XKR4: variants seen among roughly 807,000 people sequenced by gnomAD.
XKR4 encodes XK-related protein 4.
A neutral mutation model predicts 53.9 loss-of-function variants in XKR4; 12 were observed. That is an observed-to-expected ratio of 0.22 (90% CI 0.14 to 0.36). The LOEUF (loss-of-function observed/expected upper bound fraction) is 0.36, where lower values mean the gene tolerates loss of function less well. Among genes scored for constraint, XKR4 ranks in the 10% least tolerant of loss-of-function variants. The pLI is 1.00. For missense variants in XKR4, 799 were observed against 859.5 expected, an observed-to-expected ratio of 0.93 and a Z score of 0.88; for synonymous variants, 354 against 362.4, an observed-to-expected ratio of 0.98 and a Z score of 0.26.
intron 1 of XKR4, among the ~76,000 whole-genome samples, chr8:55,345,276 A>G (rs978599553): frequency 5.1e-4 from 77 of 152,196 alleles, no homozygotes; most frequent in African/African-American, 1.8e-3. Flanking sequence ...CCTGGGTGAC[A>G]GAGTGAGACT....
chr8:55,225,172 G>A (rs537310821), intron 1 of XKR4, among the ~76,000 whole-genome samples: 48 of 152,198 alleles, frequency 3.2e-4, no homozygotes, highest in African/African-American at 1.1e-3. Context: ...GCATAATCCC[G>A]ATTTTACAAA....
Position 55,539,351 on chromosome 8 carries a change from T to TA in XKR4, c.*15129dup, listed in dbSNP as rs1210521118. On this transcript the variant is annotated 3_prime_UTR_variant, in exon 3 of 3. Coordinates refer to ENST00000327381, the MANE Select transcript of XKR4 (RefSeq NM_052898.2). ...ATTGTGAAAAAAATGTGCACACTCTTAAAAACACAAAATGGGTTTCAGAAA... is the reference window on the plus strand; with the variant it reads ...ATTGTGAAAAAAATGTGCACACTCTTAAAAAACACAAAATGGGTTTCAGAAA... 3.9e-5 allele frequency: 6 copies of TA among 152,310 alleles called. No homozygotes were observed. Among genetic ancestry groups the TA allele is most frequent in the African/African-American group, 1.4e-4 (6 of 41,564 alleles). The allele number at this position is 152,310 out of a possible 1,614,324, so 9.4% of individuals were successfully genotyped here.
At chr8:55,404,421 C>T (rs1804656244) in intron 2 of XKR4, among the ~76,000 whole-genome samples, 1 of 152,188 alleles carries the variant, frequency 6.6e-6, no homozygotes, top group Non-Finnish European at 1.5e-5. Flanking sequence ...CCATGATCAG[C>T]AGCAACCTTG....
At chr8:55,265,739 G>T (rs573587086) in intron 1 of XKR4, among the ~76,000 whole-genome samples, 53 of 152,118 alleles carry the variant, frequency 3.5e-4, no homozygotes, top group South Asian at 1.9e-3. Context: ...CAGCATTTTG[G>T]GGGGGTCAAG....
At chr8:55,320,428 A>G (rs1017801755) in intron 1 of XKR4, among the ~76,000 whole-genome samples, 1 of 152,194 alleles carries the variant, frequency 6.6e-6, no homozygotes, top group African/African-American at 2.4e-5. Context: ...CCAACAAAAG[A>G]TACCCAATTG....
At chr8:55,455,482 AG>A (rs1392950157) in intron 2 of XKR4, among the ~76,000 whole-genome samples, 1 of 152,156 alleles carries the variant, frequency 6.6e-6, no homozygotes, top group East Asian at 1.9e-4. Flanking sequence ...TTGGTGCTAG[AG>A]GGGGCTGGCT....
chr8:55,191,076 A>G (rs1430536258), intron 1 of XKR4, among the ~76,000 whole-genome samples: 1 of 152,150 alleles, frequency 6.6e-6, no homozygotes, highest in Non-Finnish European at 1.5e-5. Context: ...CTTAGTCTGT[A>G]GCTCTGTGGA....
intron 2 of XKR4, among the ~76,000 whole-genome samples, chr8:55,495,865 G>A (rs1585605842): frequency 6.6e-6 from 1 of 152,226 alleles, no homozygotes; most frequent in African/African-American, 2.4e-5. Context: ...CACTCCAGAT[G>A]GCCTGCAGCT....
chr8:55,140,339 G>A (rs16921242), intron 1 of XKR4: 11,960 of 216,088 alleles, frequency 0.055, 543 homozygotes, highest in African/African-American at 0.14. Flanking sequence ...GGGTCCATTC[G>A]TTTGTTCACA....
At chr8:55,375,112 T>A (rs1283810664) in intron 2 of XKR4, among the ~76,000 whole-genome samples, 1 of 152,222 alleles carries the variant, frequency 6.6e-6, no homozygotes, top group East Asian at 1.9e-4. Context: ...CCATTGCCAG[T>A]GATCTTTGCT....
At chr8:55,520,119 G>GA (rs1383341696) in intron 2 of XKR4, among the ~76,000 whole-genome samples, 14 of 152,176 alleles carry the variant, frequency 9.2e-5, no homozygotes, top group Non-Finnish European at 2.1e-4. Context: ...CTTGGCATTG[G>GA]AAAAAACTGA....
In XKR4 at chr8:55,530,388, G is replaced by C. The variant is rs1806934230; in HGVS notation, c.*6161G>C. On this transcript the variant is annotated 3_prime_UTR_variant, in exon 3 of 3. Transcript: ENST00000327381. ...GTCTAGGAACCTTATTTTAGTGTTA[G>C]ATGCCAATAATACTGCAAGTGTCAA... 6.6e-6 allele frequency: 1 copy of C among 152,288 alleles called. No individual in the cohort carries two copies. The highest frequency in any genetic ancestry group is 2.1e-4 in the South Asian group (1 of 4,826). 9.4% of individuals were successfully genotyped at this position (152,288 alleles called of 1,614,324 possible).
chr8:55,356,791 G>A (rs1041448264), intron 1 of XKR4, among the ~76,000 whole-genome samples: 2 of 152,070 alleles, frequency 1.3e-5, no homozygotes, highest in African/African-American at 2.4e-5. Context: ...AACTGTGCAG[G>A]TCTACTTACA....
At chr8:55,168,735 T>C (rs1177328883) in intron 1 of XKR4, among the ~76,000 whole-genome samples, 1 of 152,150 alleles carries the variant, frequency 6.6e-6, no homozygotes, top group African/African-American at 2.4e-5. Flanking sequence ...ATGTTTCAAA[T>C]CTCCTGCTCA....
At chr8:55,242,628 G>A (rs1818226020) in intron 1 of XKR4, among the ~76,000 whole-genome samples, 2 of 152,148 alleles carry the variant, frequency 1.3e-5, no homozygotes, top group Admixed American at 6.5e-5. Context: ...AAATGGCATC[G>A]ATTAAAAAAA....
chr8:55,464,315 G>T (rs1196746242), intron 2 of XKR4, among the ~76,000 whole-genome samples: 1 of 152,122 alleles, frequency 6.6e-6, no homozygotes, highest in Non-Finnish European at 1.5e-5. Context: ...TGCAAGGCTG[G>T]TTCAACATAC....
Position 55,530,406 on chromosome 8 carries a change from A to C in XKR4, c.*6179A>C, listed in dbSNP as rs1328189328. ...AGTGTTAGATGCCAATAATACTGCA[A>C]GTGTCAACCAAATATTTGTTGAATT... is the stretch of plus-strand genomic sequence containing the variant. On this transcript the variant is annotated 3_prime_UTR_variant, in exon 3 of 3. Transcript: ENST00000327381. 2 of 152,208 alleles carry C rather than the reference A, an allele frequency of 1.3e-5. No homozygotes were observed. The highest frequency in any genetic ancestry group is 2.9e-5 in the Non-Finnish European group (2 of 68,030). 9.4% of individuals were successfully genotyped at this position (152,208 alleles called of 1,614,324 possible).
intron 2 of XKR4, among the ~76,000 whole-genome samples, chr8:55,496,722 C>T (rs1198838057): frequency 6.6e-6 from 1 of 152,176 alleles, no homozygotes; most frequent in African/African-American, 2.4e-5. Context: ...TGTTATATAT[C>T]CTACAAGTGC....
intron 2 of XKR4, among the ~76,000 whole-genome samples, chr8:55,366,596 C>A (rs1201464454): frequency 6.6e-6 from 1 of 152,206 alleles, no homozygotes; most frequent in African/African-American, 2.4e-5. Context: ...CCTACTTTCT[C>A]TGGTGGCCTC....
Sources: allele counts gnomAD v4.1 joint callset (sites outside exome capture counted in the v4.1 genomes callset), GRCh38; gene constraint gnomAD v4.1.1; transcripts MANE v1.5; gene names NCBI Gene and HGNC (gene_info 2026-07-23, HGNC 2026-07-21).